Variants in KCNH8 observed in about 807,000 individuals in gnomAD.
The protein encoded by KCNH8 is voltage-gated delayed rectifier potassium channel KCNH8.
A neutral mutation model predicts 103.6 loss-of-function variants in KCNH8; 70 were observed. That is an observed-to-expected ratio of 0.68 (90% CI 0.56 to 0.82). KCNH8 has a LOEUF of 0.82. Ranked by LOEUF, KCNH8 falls within the 40% of genes least tolerant of loss-of-function variation. The pLI, the probability that KCNH8 is intolerant of heterozygous loss-of-function variation, is 0.00. For synonymous variants in KCNH8, 498 were observed against 489.4 expected (o/e 1.02, Z -0.23); for missense variants, 1,217 against 1,329.9 (o/e 0.92, Z 1.32).
intron 15 of KCNH8, among the ~76,000 whole-genome samples, chr3:19,521,412 A>C (rs962126628): frequency 1.3e-5 from 2 of 151,986 alleles, no homozygotes; most frequent in Admixed American, 1.3e-4. Context: ...TGTTGTGAGA[A>C]GTTAATATCA....
At chr3:19,155,298 T>A (rs545248233) in intron 1 of KCNH8, among the ~76,000 whole-genome samples, 1 of 152,180 alleles carries the variant, frequency 6.6e-6, no homozygotes, top group Non-Finnish European at 1.5e-5. Flanking sequence ...TTTTTAATAT[T>A]TTACTGCAGA....
chr3:19,499,285 C>T (rs963928146), intron 11 of KCNH8, among the ~76,000 whole-genome samples: 5 of 152,102 alleles, frequency 3.3e-5, no homozygotes, highest in Non-Finnish European at 7.4e-5. Flanking sequence ...AAATATGGGA[C>T]TCTGTGAAAA....
intron 7 of KCNH8, among the ~76,000 whole-genome samples, chr3:19,413,082 A>G (rs937786818): frequency 1.3e-5 from 2 of 152,012 alleles, no homozygotes; most frequent in African/African-American, 4.8e-5. Context: ...TCATTGCAGC[A>G]CTATTCAAAT....
At chr3:19,497,662 T>C (rs748097387) in intron 11 of KCNH8, among the ~76,000 whole-genome samples, 19 of 152,206 alleles carry the variant, frequency 1.2e-4, no homozygotes, top group Admixed American at 5.2e-4. Flanking sequence ...TGTCTGATTT[T>C]GTGGTTGATT....
chr3:19,176,626 G>A lies in KCNH8; in HGVS notation c.76+27831G>A, dbSNP rs548766306. On this transcript the variant is annotated intron_variant, in intron 1 of 15. Transcript: ENST00000328405. ...TATACTCAGTTTGACCAGAACATAC[G>A]GATTTTGAGCATGCAGTGTTATATA... Among the ~76,000 whole-genome samples the A allele has an allele frequency of 2.7e-4, 41 of 152,024 alleles. No homozygotes were observed. In the South Asian group the frequency reaches 3.3e-3, roughly 12 times the overall value.
chr3:19,500,645 C>T (rs2068559318), intron 11 of KCNH8, among the ~76,000 whole-genome samples: 4 of 152,204 alleles, frequency 2.6e-5, no homozygotes, highest in Admixed American at 2.6e-4. Context: ...AACCGCTCAA[C>T]TACATGGAAC....
chr3:19,255,830 A>G lies in KCNH8; in HGVS notation c.310+1943A>G, dbSNP rs189509944. ...TTTCCCTTAAAAAGAAAAAGTTAAG[A>G]CAAGGCTAGAAAACCAGTTTCAACC... On this transcript the variant is annotated intron_variant, in intron 2 of 15. Transcript: ENST00000328405. Among the ~76,000 whole-genome samples, 225 of 152,274 alleles carry G rather than the reference A, an allele frequency of 1.5e-3. 2 individuals carry two copies. The highest frequency in any genetic ancestry group is 6.8e-3 in the Middle Eastern group (2 of 294).
intron 7 of KCNH8, among the ~76,000 whole-genome samples, chr3:19,422,591 C>T (rs1315351657): frequency 6.6e-6 from 1 of 152,074 alleles, no homozygotes; most frequent in African/African-American, 2.4e-5. Context: ...CAGTTCAAAC[C>T]ATTCTGCAAA....
intron 1 of KCNH8, among the ~76,000 whole-genome samples, chr3:19,219,236 G>T (rs2063847376): frequency 6.6e-6 from 1 of 151,928 alleles, no homozygotes; most frequent in Non-Finnish European, 1.5e-5. Flanking sequence ...CTTCAAATAT[G>T]CCCTCCTCAG....
chr3:19,519,987 T>C (rs867183186), intron 15 of KCNH8, among the ~76,000 whole-genome samples: 14 of 151,614 alleles, frequency 9.2e-5, no homozygotes, highest in Middle Eastern at 3.2e-3. Flanking sequence ...CCTTTGACAA[T>C]GTGAATCGGG....
intron 11 of KCNH8, among the ~76,000 whole-genome samples, chr3:19,501,311 G>T (rs1325602608): frequency 1.3e-5 from 2 of 152,062 alleles, no homozygotes; most frequent in African/African-American, 2.4e-5. Context: ...AAAGAGTCCA[G>T]ACCAGATGGA....
chr3:19,278,548 A>G (rs1575490356), intron 2 of KCNH8, among the ~76,000 whole-genome samples: 1 of 65,284 alleles, frequency 1.5e-5, no homozygotes, highest in African/African-American at 6.9e-5. Context: ...TAAGGGAGGA[A>G]GGGAGGGAGG....
At chr3:19,168,137 G>C (rs2063303879) in intron 1 of KCNH8, among the ~76,000 whole-genome samples, 1 of 151,808 alleles carries the variant, frequency 6.6e-6, no homozygotes, top group South Asian at 2.1e-4. Context: ...CAGCCTCCGA[G>C]TAGCTGGGAT....
chr3:19,203,462 C>T (rs2063683661), intron 1 of KCNH8, among the ~76,000 whole-genome samples: 1 of 151,890 alleles, frequency 6.6e-6, no homozygotes, highest in African/African-American at 2.4e-5. Context: ...GCATAATTTG[C>T]TTTTTGCTTA....
At chr3:19,244,532 G>A (rs1023370637) in intron 1 of KCNH8, among the ~76,000 whole-genome samples, 2 of 152,082 alleles carry the variant, frequency 1.3e-5, no homozygotes, top group Admixed American at 1.3e-4. Context: ...TATATTCTTT[G>A]AGAAATCTCC....
In KCNH8 at chr3:19,312,927, C is replaced by T. The variant is rs183865492; in HGVS notation, c.443-29660C>T. On this transcript the variant is annotated intron_variant, in intron 3 of 15. Transcript: ENST00000328405. ...ATGGGCCCATTTAAAAGGATGACTT[C>T]GTGTTGTTCTGGATACCTATGATTT... Among the ~76,000 whole-genome samples the T allele has an allele frequency of 2.4e-3, 360 of 151,972 alleles. 1 individual carries two copies. Among genetic ancestry groups the T allele is most frequent in the African/African-American group, 8.2e-3 (341 of 41,500 alleles).
At chr3:19,395,911 ATTT>A (rs1559307408) in intron 7 of KCNH8, among the ~76,000 whole-genome samples, 1 of 151,950 alleles carries the variant, frequency 6.6e-6, no homozygotes, top group East Asian at 1.9e-4. Flanking sequence ...TTTAAGGGAG[ATTT>A]TTTGAATGTT....
intron 5 of KCNH8, among the ~76,000 whole-genome samples, chr3:19,357,418 T>C (rs1420910056): frequency 1.3e-5 from 2 of 151,854 alleles, no homozygotes; most frequent in East Asian, 3.9e-4. Flanking sequence ...ATATAAAATG[T>C]TCCTATTATT....
At position 19,440,199 on chromosome 3, in the gene KCNH8, T is replaced by A. The variant is rs567278984; in HGVS notation, c.1375+1838T>A. Among the ~76,000 whole-genome samples the A allele has an allele frequency of 2.8e-4, 43 of 152,246 alleles. No homozygotes were observed. The South Asian group carries it at 4.2e-3, about 15-fold the overall frequency. On this transcript the variant is annotated intron_variant, in intron 8 of 15. Coordinates refer to ENST00000328405, the MANE Select transcript of KCNH8 (RefSeq NM_144633.3). ...CTATATAGCATTTTACATAATTTTT[T>A]AAAAAAATTTTGATAACATGAATTA...
Sources: gnomAD v4.1 joint callset for allele counts (sites outside exome capture counted in the v4.1 genomes callset) on GRCh38, gnomAD v4.1.1 for gene constraint, MANE v1.5 for transcripts, NCBI Gene and HGNC (gene_info 2026-07-23, HGNC 2026-07-21) for gene names.